The following DNTT variants were observed in gnomAD, a reference collection of about 807,000 sequenced individuals.
DNTT encodes the protein nucleosidetriphosphate:DNA deoxynucleotidylexotransferase.
DNTT carries 47 observed loss-of-function variants against 60.9 expected under a neutral mutation model. That is an observed-to-expected ratio of 0.77 (90% CI 0.61 to 0.98). The LOEUF is 0.98. Among genes scored for constraint, DNTT ranks in the 50% least tolerant of loss-of-function variants. The pLI, the probability that DNTT is intolerant of heterozygous loss-of-function variation, is 0.00. For synonymous variants in DNTT, 224 were observed against 221.2 expected (o/e 1.01, Z -0.11); for missense variants, 665 against 627.5 (o/e 1.06, Z -0.64).
Position 96,322,711 on chromosome 10 carries a change from C to T in DNTT, c.733C>T (p.Arg245Ter), listed in dbSNP as rs369785092. 24 of 1,596,160 alleles carry T rather than the reference C, an allele frequency of 1.5e-5. No individual in the cohort carries two copies. Among genetic ancestry groups the T allele is most frequent in the African/African-American group, 2.7e-5 (2 of 74,606 alleles). ...SEVKAVLNDERYQSFKLFTSV... is the reference protein window; with the variant it reads ...SEVKAVLNDE ...AGTTAAAGCTGTGTTAAATGATGAA[C>T]GATATCAATCCTTCAAAGTAAGTGA... The change falls in exon 5 of 11, where the codon CGA becomes TGA. Residue 245 changes from arginine to a stop codon, truncating the protein, a stop_gained. Transcript: ENST00000371174. LOFTEE classifies it high-confidence loss of function.
At chr10:96,316,591 T>C (rs1844789315) in intron 1 of DNTT, among the ~76,000 whole-genome samples, 1 of 152,008 alleles carries the variant, frequency 6.6e-6, no homozygotes, top group South Asian at 2.1e-4. Flanking sequence ...CAATATAAAC[T>C]CTCCACTCCA....
rs1554920345 is a variant in DNTT, at chr10:96,307,777, A to ATTTT, written c.203+3086_203+3089dup. Among the ~76,000 whole-genome samples the ATTTT allele has an allele frequency of 2.1e-3, 263 of 126,022 alleles. 10 individuals carry two copies. The highest frequency in any genetic ancestry group is 7.2e-3 in the African/African-American group (233 of 32,390). The allele number at this position is 126,022 out of a possible 152,430, so 82.7% of individuals were successfully genotyped here. A position where few individuals can be genotyped will look rare whatever the true frequency, so the allele number is the denominator to read the frequency against. ...TGTGTGCATATATATATATATATAT[A>ATTTT]TTTTTTTTTTTTGAGGCAGGGTCTT... On this transcript the variant is annotated intron_variant, in intron 1 of 10. Coordinates refer to ENST00000371174, the MANE Select transcript of DNTT (RefSeq NM_004088.4).
intron 1 of DNTT, among the ~76,000 whole-genome samples, chr10:96,315,806 G>A (rs566493689): frequency 6.6e-6 from 1 of 151,822 alleles, no homozygotes; most frequent in East Asian, 1.9e-4. Flanking sequence ...AAATATAGAT[G>A]GAAAATATAG....
intron 1 of DNTT, among the ~76,000 whole-genome samples, chr10:96,317,405 C>T (rs734226): frequency 0.77 from 117,905 of 152,136 alleles, 49,315 homozygotes; most frequent in Non-Finnish European, 0.95. Context: ...GAAAAAGATC[C>T]CTGTCCATGC....
At chr10:96,316,157 G>A (rs894764564) in intron 1 of DNTT, among the ~76,000 whole-genome samples, 6 of 152,078 alleles carry the variant, frequency 3.9e-5, no homozygotes, top group South Asian at 2.1e-4. Context: ...CCAAAGAGAC[G>A]CAACTTCCTA....
chr10:96,328,602 A>G, intron 7 of DNTT, 123 bp from the exon 8 acceptor site: 3 of 912,844 alleles, frequency 3.3e-6, no homozygotes, highest in Non-Finnish European at 4.8e-6. Flanking sequence ...TGTTTCTTAA[A>G]AAAAAGTCAA....
In DNTT at chr10:96,314,707, C is replaced by T. The variant is rs144997534; in HGVS notation, c.204-3645C>T. Among the ~76,000 whole-genome samples the T allele has an allele frequency of 6.9e-3, 1,044 of 152,050 alleles. 7 individuals carry two copies. Among genetic ancestry groups the T allele is most frequent in the African/African-American group, 0.02 (829 of 41,446 alleles). On this transcript the variant is annotated intron_variant, in intron 1 of 10. Coordinates refer to ENST00000371174, the MANE Select transcript of DNTT (RefSeq NM_004088.4). ...GATTACAGGCATGAGCCACCGCGCCCAGCCTCTCTTCCCATTTTTAGATGG... is the reference window on the plus strand; with the variant it reads ...GATTACAGGCATGAGCCACCGCGCCTAGCCTCTCTTCCCATTTTTAGATGG...
At chr10:96,329,786 G>A (rs190800947) in intron 8 of DNTT, among the ~76,000 whole-genome samples, 1 of 152,094 alleles carries the variant, frequency 6.6e-6, no homozygotes, top group South Asian at 2.1e-4. Flanking sequence ...AGGGATCCTG[G>A]CTAGAGAGCC....
chr10:96,307,343 G>GTTTTTT (rs533516556), intron 1 of DNTT, among the ~76,000 whole-genome samples: 24 of 67,596 alleles, frequency 3.6e-4, no homozygotes, highest in African/African-American at 1.4e-3. Flanking sequence ...GGGTTTTCCA[G>GTTTTTT]TTTTTTTTTT....
At chr10:96,336,863 G>A (rs981948797) in intron 10 of DNTT, among the ~76,000 whole-genome samples, 6 of 149,676 alleles carry the variant, frequency 4.0e-5, no homozygotes, top group South Asian at 4.2e-4. Flanking sequence ...ACTTGAACCC[G>A]GGAGGCAGAG....
intron 6 of DNTT, 137 bp from the exon 7 acceptor site, chr10:96,327,331 C>T: frequency 1.5e-6 from 2 of 1,299,086 alleles, no homozygotes; most frequent in African/African-American, 1.4e-5. Context: ...ACTATTCTGT[C>T]TCTGTGGGAA....
chr10:96,324,458 T>C, intron 6 of DNTT, 69 bp downstream of exon 6: 1 of 1,592,238 alleles, frequency 6.3e-7, no homozygotes, highest in Non-Finnish European at 8.6e-7. Flanking sequence ...TCTAAGTCAG[T>C]TACACTGCAA....
intron 6 of DNTT, among the ~76,000 whole-genome samples, chr10:96,326,223 T>C (rs1178754197): frequency 6.6e-6 from 1 of 152,188 alleles, no homozygotes. Context: ...TGATGACAGT[T>C]TCTGTATTAC....
intron 6 of DNTT, among the ~76,000 whole-genome samples, chr10:96,325,856 A>T (rs1480486872): frequency 6.6e-6 from 1 of 152,176 alleles, no homozygotes; most frequent in Non-Finnish European, 1.5e-5. Context: ...CAGATGGATA[A>T]CCTGATCCAG....
intron 7 of DNTT, among the ~76,000 whole-genome samples, chr10:96,328,320 A>AC (rs1238340438): frequency 6.6e-6 from 1 of 152,222 alleles, no homozygotes; most frequent in East Asian, 1.9e-4. Flanking sequence ...AAGTAAGAGA[A>AC]GATCAAATCT....
At chr10:96,334,525 G>A (rs1004319947) in intron 9 of DNTT, among the ~76,000 whole-genome samples, 2 of 152,178 alleles carry the variant, frequency 1.3e-5, no homozygotes, top group African/African-American at 4.8e-5. Flanking sequence ...GGTTCGTAGA[G>A]GGTTTTTTAT....
intron 1 of DNTT, among the ~76,000 whole-genome samples, chr10:96,315,921 C>G (rs1564870533): frequency 6.6e-6 from 1 of 152,010 alleles, no homozygotes; most frequent in Non-Finnish European, 1.5e-5. Context: ...AAGTGGTTAT[C>G]CATCTTCCTT....
chr10:96,319,932 T>G (rs1844845862), intron 3 of DNTT, among the ~76,000 whole-genome samples: 1 of 152,202 alleles, frequency 6.6e-6, no homozygotes, highest in African/African-American at 2.4e-5. Flanking sequence ...GTAATTGTGT[T>G]TTGAATGGCC....
intron 1 of DNTT, among the ~76,000 whole-genome samples, chr10:96,314,273 A>C (rs914763968): frequency 6.6e-6 from 1 of 152,012 alleles, no homozygotes; most frequent in African/African-American, 2.4e-5. Flanking sequence ...CTCCTTTTCC[A>C]AAGAACACAA....
Sources: gnomAD v4.1 joint callset for allele counts (sites outside exome capture counted in the v4.1 genomes callset) on GRCh38, gnomAD v4.1.1 for gene constraint, MANE v1.5 for transcripts, NCBI Gene and HGNC (gene_info 2026-07-23, HGNC 2026-07-21) for gene names.